SNX13: variants seen among roughly 807,000 people sequenced by gnomAD.
SNX13 encodes sorting nexin 13.
SNX13 carries 45 observed loss-of-function variants against 133.6 expected under a neutral mutation model. The observed-to-expected ratio is 0.34, with a 90% CI of 0.27 to 0.43. The LOEUF (loss-of-function observed/expected upper bound fraction) is 0.43, where lower values mean the gene tolerates loss of function less well. Ranked by LOEUF, SNX13 falls within the 20% of genes least tolerant of loss-of-function variation. The probability of loss-of-function intolerance (pLI) is 1.00; values close to 1 mark genes in which losing one functional copy is unlikely to be tolerated. For synonymous variants in SNX13, 414 were observed against 373.9 expected (o/e 1.11, Z -1.24); for missense variants, 1,032 against 1,145.1 (o/e 0.90, Z 1.43).
At chr7:17,929,832 G>A (rs944361434) in intron 1 of SNX13, among the ~76,000 whole-genome samples, 8 of 152,024 alleles carry the variant, frequency 5.3e-5, no homozygotes, top group African/African-American at 1.9e-4. Context: ...ATTTCCTCCC[G>A]AAATTCAGTC....
At chr7:17,883,737 G>C (rs1795643271) in intron 5 of SNX13, among the ~76,000 whole-genome samples, 1 of 151,864 alleles carries the variant, frequency 6.6e-6, no homozygotes, top group Non-Finnish European at 1.5e-5. Context: ...AGAGGCCCCG[G>C]TGTGTGATGT....
At chr7:17,890,719 AT>A (rs143490411) in intron 4 of SNX13, among the ~76,000 whole-genome samples, 5 of 152,038 alleles carry the variant, frequency 3.3e-5, no homozygotes, top group East Asian at 3.9e-4. Context: ...AAAAAAAAAA[AT>A]AAAATAAAAC....
chr7:17,805,900 A>G (rs1025823357), intron 20 of SNX13, among the ~76,000 whole-genome samples: 1 of 152,240 alleles, frequency 6.6e-6, no homozygotes, highest in Non-Finnish European at 1.5e-5. Context: ...AAAAACCTCT[A>G]AAGGTGACTG....
intron 13 of SNX13, among the ~76,000 whole-genome samples, chr7:17,837,826 G>A (rs1175468701): frequency 6.6e-6 from 1 of 151,226 alleles, no homozygotes; most frequent in Admixed American, 6.6e-5. Context: ...GTCCTTTTCT[G>A]GTGACACATT....
rs556439483 is a variant in SNX13 at position 17,791,605 on chromosome 7, G to A, written c.*2440C>T. On this transcript the variant is annotated 3_prime_UTR_variant, in exon 26 of 26. Transcript: ENST00000428135. ...GAAAACACAAAGAATGATTAATTTC[G>A]AAAGTTCTTGCCTAAAGGCACCACT... 3 of 151,892 alleles carry A rather than the reference G, an allele frequency of 2.0e-5. No individual in the cohort carries two copies. The highest frequency in any genetic ancestry group is 1.3e-4 in the Admixed American group (2 of 15,240). The allele number at this position is 151,892 out of a possible 1,614,324, so 9.4% of individuals were successfully genotyped here.
rs192150143 is a variant in SNX13 at position 17,793,051 on chromosome 7, T to A, written c.*994A>T. On this transcript the variant is annotated 3_prime_UTR_variant, in exon 26 of 26. Transcript: ENST00000428135. Reference sequence around the variant, plus strand: ...TAGAATTAGGAATCTGTATGTTTACTATGACTAATAAGCTCATTAATCATT... The same window carrying A: ...TAGAATTAGGAATCTGTATGTTTACAATGACTAATAAGCTCATTAATCATT... 6.6e-6 allele frequency: 1 copy of A among 152,298 alleles called. No individual in the cohort carries two copies. Among genetic ancestry groups the A allele is most frequent in the Admixed American group, 6.6e-5 (1 of 15,198 alleles). The allele number at this position is 152,298 out of a possible 1,614,324, so 9.4% of individuals were successfully genotyped here.
chr7:17,846,092 T>C (rs777155833), intron 11 of SNX13, among the ~76,000 whole-genome samples: 11 of 152,302 alleles, frequency 7.2e-5, no homozygotes, highest in Non-Finnish European at 1.3e-4. Flanking sequence ...TATTTACTAC[T>C]AGGAAAACAA....
chr7:17,876,131 G>A (rs1191360522), intron 5 of SNX13, among the ~76,000 whole-genome samples: 4 of 152,170 alleles, frequency 2.6e-5, no homozygotes, highest in Non-Finnish European at 5.9e-5. Context: ...CCCAACATAA[G>A]AATACATAAG....
chr7:17,933,749 T>C (rs1801691343), intron 1 of SNX13, among the ~76,000 whole-genome samples: 1 of 145,356 alleles, frequency 6.9e-6, no homozygotes, highest in Non-Finnish European at 1.5e-5. Context: ...TAGTGAGCAA[T>C]AAAACTACAT....
chr7:17,900,160 CCAAA>C (rs1797660479), intron 1 of SNX13: 1 of 152,202 alleles, frequency 6.6e-6, no homozygotes, highest in African/African-American at 2.4e-5. Context: ...TTACATTCTC[CCAAA>C]CAGAGTCAGT....
At chr7:17,859,498 G>C (rs1583511099) in intron 9 of SNX13, among the ~76,000 whole-genome samples, 1 of 152,118 alleles carries the variant, frequency 6.6e-6, no homozygotes, top group Non-Finnish European at 1.5e-5. Flanking sequence ...AACTCTGAAA[G>C]ACAATTTGTT....
intron 20 of SNX13, 58 bp from the exon 21 acceptor site, chr7:17,803,638 T>A: frequency 6.9e-7 from 1 of 1,456,296 alleles, no homozygotes; most frequent in Admixed American, 2.3e-5. Flanking sequence ...GTTATCCAAA[T>A]GACAAGCCTT....
intron 2 of SNX13, among the ~76,000 whole-genome samples, chr7:17,895,490 TAAAAACTTAAGTTTTATTAG>T (rs1322380078): frequency 6.6e-6 from 1 of 152,178 alleles, no homozygotes; most frequent in Non-Finnish European, 1.5e-5. Flanking sequence ...CTATGCAAGT[TAAAAACTTAAGTTTTATTAG>T]AAAAACAAGA....
At chr7:17,828,073 CA>C (rs1464130321) in intron 16 of SNX13, among the ~76,000 whole-genome samples, 5 of 151,600 alleles carry the variant, frequency 3.3e-5, no homozygotes, top group African/African-American at 1.2e-4. Flanking sequence ...CTATGCAATC[CA>C]AAAGTTGTTA....
intron 8 of SNX13, among the ~76,000 whole-genome samples, chr7:17,869,499 G>T (rs1793796230): frequency 6.6e-6 from 1 of 151,972 alleles, no homozygotes. Context: ...AAGAATATTG[G>T]GGGAGGTTAA....
At position 17,940,434 on chromosome 7, in the gene SNX13, C is replaced by T. The variant is rs1802715017; in HGVS notation, c.-139G>A. ...TCTCCCGGGCGGCGGTTTTACTCGG[C>T]TTCGCTGGCCTCCCCTCGGCCCGGT... On this transcript the variant is annotated 5_prime_UTR_variant, in exon 1 of 26. Transcript: ENST00000428135. The T allele has an allele frequency of 5.4e-6, 5 of 931,760 alleles. No homozygotes were observed. The highest frequency in any genetic ancestry group is 8.5e-6 in the Non-Finnish European group (5 of 591,366). The allele number at this position is 931,760 out of a possible 1,614,324, so 57.7% of individuals were successfully genotyped here. A position where few individuals can be genotyped will look rare whatever the true frequency, so the allele number is the denominator to read the frequency against.
At chr7:17,856,832 A>G (rs1261067300) in intron 9 of SNX13, among the ~76,000 whole-genome samples, 1 of 151,124 alleles carries the variant, frequency 6.6e-6, no homozygotes, top group Non-Finnish European at 1.5e-5. Context: ...AAAAAGAAAA[A>G]GAAAAAGAAA....
At chr7:17,840,804 A>G (rs1312507092) in intron 12 of SNX13, among the ~76,000 whole-genome samples, 2 of 152,106 alleles carry the variant, frequency 1.3e-5, no homozygotes, top group Non-Finnish European at 2.9e-5. Context: ...AAGATGTGGG[A>G]GTGTGAAGCA....
intron 13 of SNX13, among the ~76,000 whole-genome samples, chr7:17,838,187 T>C (rs1170828547): frequency 2.0e-5 from 3 of 151,990 alleles, no homozygotes; most frequent in Non-Finnish European, 4.4e-5. Flanking sequence ...GCAAATTATT[T>C]TATTTTCTAT....
Sources: gnomAD v4.1 joint callset for allele counts (sites outside exome capture counted in the v4.1 genomes callset) on GRCh38, gnomAD v4.1.1 for gene constraint, MANE v1.5 for transcripts, NCBI Gene and HGNC (gene_info 2026-07-23, HGNC 2026-07-21) for gene names.